AKAP13: variants seen among roughly 807,000 people sequenced by gnomAD.
The protein encoded by AKAP13 is A-kinase anchoring protein 13, also known as A-kinase anchor protein 13.
A neutral mutation model predicts 264.5 loss-of-function variants in AKAP13; 80 were observed. The observed-to-expected ratio is 0.30, with a 90% CI of 0.25 to 0.36. The LOEUF (loss-of-function observed/expected upper bound fraction) is 0.36, where lower values mean the gene tolerates loss of function less well. AKAP13 is among the 10% of genes least tolerant of loss of function. The pLI, the probability that AKAP13 is intolerant of heterozygous loss-of-function variation, is 1.00. For missense variants in AKAP13, 3,712 were observed against 3,435.2 expected, an observed-to-expected ratio of 1.08 and a Z score of -2.01; for synonymous variants, 1,380 against 1,250.2, an observed-to-expected ratio of 1.10 and a Z score of -2.19.
intron 2 of AKAP13, among the ~76,000 whole-genome samples, chr15:85,497,065 C>G (rs1476324252): frequency 1.3e-5 from 2 of 152,120 alleles, no homozygotes; most frequent in African/African-American, 4.8e-5. Flanking sequence ...TTACAGGATA[C>G]TTTTTCAATA....
chr15:85,590,378 C>T (rs2079535899), intron 8 of AKAP13, among the ~76,000 whole-genome samples: 1 of 152,226 alleles, frequency 6.6e-6, no homozygotes, highest in Non-Finnish European at 1.5e-5. Flanking sequence ...AAAAAAGCTA[C>T]AGCTGAGTTC....
In AKAP13 at chr15:85,723,183, A is replaced by G; in HGVS notation, c.6608A>G (p.Glu2203Gly). Residue 2203 changes from glutamate to glycine, a missense_variant, in exon 26 of 37, where the codon GAG becomes GGG. Glu to Gly is a moderately conservative substitution (Grantham distance 98, BLOSUM62 -2). Coordinates refer to ENST00000394518, the MANE Select transcript of AKAP13 (RefSeq NM_007200.5). The stretch of plus-strand genomic sequence containing the variant: ...TATGAAAAGAAAGTGCGTCTCAATG[A>G]GATTTATACAAAGACAGATAGCAAG... ...ASYEKKVRLN[E>G]IYTKTDSKSI... The G allele has an allele frequency of 6.2e-7, 1 of 1,614,192 alleles. No individual in the cohort carries two copies.
At chr15:85,667,850 A>G (rs1415141155) in intron 13 of AKAP13, among the ~76,000 whole-genome samples, 1 of 152,196 alleles carries the variant, frequency 6.6e-6, no homozygotes, top group Non-Finnish European at 1.5e-5. Flanking sequence ...TCTAAGATGG[A>G]TATTTCCGGG....
intron 1 of AKAP13, among the ~76,000 whole-genome samples, chr15:85,385,045 A>G (rs1001566352): frequency 6.6e-6 from 1 of 152,192 alleles, no homozygotes; most frequent in Non-Finnish European, 1.5e-5. Context: ...TTGACCATTT[A>G]TGTCACTCTG....
chr15:85,669,941 A>G (rs338523), intron 14 of AKAP13, 111 bp downstream of exon 14: 410,513 of 657,410 alleles, frequency 0.62, 129,745 homozygotes, highest in Middle Eastern at 0.69. Flanking sequence ...TTTGCTTACT[A>G]CTTCTTTGAG....
intron 2 of AKAP13, among the ~76,000 whole-genome samples, chr15:85,487,222 C>T (rs1020233925): frequency 3.3e-5 from 5 of 152,152 alleles, no homozygotes; most frequent in Non-Finnish European, 7.3e-5. Flanking sequence ...AGATCGTTTT[C>T]TTCCTTTCCA....
intron 10 of AKAP13, among the ~76,000 whole-genome samples, chr15:85,647,688 G>A (rs913719532): frequency 1.3e-5 from 2 of 152,208 alleles, no homozygotes; most frequent in Non-Finnish European, 2.9e-5. Flanking sequence ...GCTCACGCCT[G>A]TAATCCCAGT....
At chr15:85,670,847 T>G (rs1712716330) in intron 14 of AKAP13, 1 of 152,206 alleles carries the variant, frequency 6.6e-6, no homozygotes, top group Non-Finnish European at 1.5e-5. Context: ...GGAAGTTATG[T>G]AGAGATGTCA....
intron 8 of AKAP13, among the ~76,000 whole-genome samples, chr15:85,614,723 G>C (rs1196015801): frequency 6.6e-6 from 1 of 152,144 alleles, no homozygotes; most frequent in Non-Finnish European, 1.5e-5. Context: ...TTACACAACT[G>C]AGTTTAAAGC....
chr15:85,511,319 A>G (rs1053769717), intron 2 of AKAP13, among the ~76,000 whole-genome samples: 1 of 152,076 alleles, frequency 6.6e-6, no homozygotes, highest in Non-Finnish European at 1.5e-5. Context: ...CTCTATTACC[A>G]CAAACTCATC....
chr15:85,392,070 A>G (rs1212485660), intron 1 of AKAP13, among the ~76,000 whole-genome samples: 1 of 152,010 alleles, frequency 6.6e-6, no homozygotes, highest in Non-Finnish European at 1.5e-5. Flanking sequence ...GGCGTGAGTC[A>G]CCATGCCCGG....
At chr15:85,573,631 A>G (rs1412169687) in intron 5 of AKAP13, among the ~76,000 whole-genome samples, 1 of 152,122 alleles carries the variant, frequency 6.6e-6, no homozygotes, top group Non-Finnish European at 1.5e-5. Context: ...GAAAAATAAC[A>G]TTTCATATAA....
chr15:85,399,527 A>AAAAAAAAAAAAAAT (rs1567038675), intron 1 of AKAP13, among the ~76,000 whole-genome samples: 9 of 114,730 alleles, frequency 7.8e-5, no homozygotes, highest in African/African-American at 1.5e-4. Flanking sequence ...AAAAAATAAA[A>AAAAAAAAAAAAAAT]AAATAAAAAA....
At chr15:85,427,782 A>G (rs985797393) in intron 1 of AKAP13, among the ~76,000 whole-genome samples, 11 of 152,232 alleles carry the variant, frequency 7.2e-5, no homozygotes, top group Non-Finnish European at 1.0e-4. Context: ...TTAGTTGACC[A>G]TAATAAGCTT....
rs1293687061 is a variant in AKAP13, at chr15:85,572,745, G to A, written c.663-2386G>A. Among the ~76,000 whole-genome samples, 5 of 152,068 alleles carry A rather than the reference G, an allele frequency of 3.3e-5. No homozygotes were observed. The South Asian group carries it at 6.2e-4, about 19-fold the overall frequency. ...GCAGGTTTATTACATAGGTATACAC[G>A]TGCCGTGGAGGTTTGCTGCACCCAT... On this transcript the variant is annotated intron_variant, in intron 5 of 36. Transcript: ENST00000394518.
intron 14 of AKAP13, among the ~76,000 whole-genome samples, chr15:85,680,503 C>A (rs561117347): frequency 6.6e-6 from 1 of 152,106 alleles, no homozygotes; most frequent in East Asian, 1.9e-4. Flanking sequence ...GAAAAAAATA[C>A]GGAAGGCAAT....
chr15:85,744,055 C>T (rs868649358), intron 36 of AKAP13: 3 of 552,434 alleles, frequency 5.4e-6, no homozygotes, highest in South Asian at 2.6e-5. Context: ...GTTTCATTTT[C>T]AAGGCATTAT....
At chr15:85,664,877 T>G in intron 13 of AKAP13, 122 bp downstream of exon 13, 1 of 930,834 alleles carries the variant, frequency 1.1e-6, no homozygotes, top group East Asian at 2.7e-5. Flanking sequence ...ATGATATACT[T>G]AATCTAGCAC....
At chr15:85,483,940 C>T (rs1306526920) in intron 1 of AKAP13, among the ~76,000 whole-genome samples, 4 of 152,060 alleles carry the variant, frequency 2.6e-5, no homozygotes, top group African/African-American at 9.7e-5. Context: ...CAGCGTGGCC[C>T]AGGGAAGCTA....
Sources: gnomAD v4.1 joint callset for allele counts (sites outside exome capture counted in the v4.1 genomes callset) on GRCh38, gnomAD v4.1.1 for gene constraint, MANE v1.5 for transcripts, NCBI Gene and HGNC (gene_info 2026-07-23, HGNC 2026-07-21) for gene names.